The following PTPRJ variants were observed in gnomAD, a reference collection of about 807,000 sequenced individuals.
PTPRJ encodes the protein receptor-type tyrosine-protein phosphatase eta.
In PTPRJ, 129 loss-of-function variants were observed where a neutral mutation model predicts 141.3. That is an observed-to-expected ratio of 0.91 (90% CI 0.79 to 1.06). The LOEUF (loss-of-function observed/expected upper bound fraction) is 1.06, where lower values mean the gene tolerates loss of function less well. Ranked by LOEUF, PTPRJ falls within the 50% of genes least tolerant of loss-of-function variation. The pLI is 0.00. For missense variants in PTPRJ, 1,601 were observed against 1,679.7 expected, an observed-to-expected ratio of 0.95 and a Z score of 0.82; for synonymous variants, 610 against 640.5, an observed-to-expected ratio of 0.95 and a Z score of 0.72.
At chr11:48,157,681 A>T (rs1427199557) in intron 21 of PTPRJ, among the ~76,000 whole-genome samples, 3 of 152,170 alleles carry the variant, frequency 2.0e-5, no homozygotes, top group African/African-American at 7.2e-5. Context: ...GCAGATGTTT[A>T]TCCAGCCCCT....
At position 47,980,611 on chromosome 11, in the gene PTPRJ, G is replaced by C. The variant is rs1029004694; in HGVS notation, c.-302G>C. The C allele has an allele frequency of 3.1e-6, 3 of 983,482 alleles. No individual in the cohort carries two copies. The highest frequency in any genetic ancestry group is 6.2e-5 in the Admixed American group (1 of 16,064). The allele number at this position is 983,482 out of a possible 1,614,324, so 60.9% of individuals were successfully genotyped here. ...GGCAGCGGGAGCAGCCGCGGGAGCC[G>C]GGACCGGGTAGCCGCGCGCTGGGGG... On this transcript the variant is annotated 5_prime_UTR_variant, in exon 1 of 25. Transcript: ENST00000418331.
intron 1 of PTPRJ, among the ~76,000 whole-genome samples, chr11:48,026,996 CTTTTTTTTTTTTT>C (rs1206503872): frequency 0.013 from 1,434 of 113,236 alleles, 30 homozygotes; most frequent in African/African-American, 0.05. Flanking sequence ...TTGGAATACC[CTTTTTTTTTTTTT>C]TTTTTTTTTT....
chr11:48,027,776 G>A (rs1853860383), intron 1 of PTPRJ, among the ~76,000 whole-genome samples: 1 of 114,642 alleles, frequency 8.7e-6, no homozygotes, highest in Non-Finnish European at 1.7e-5. Flanking sequence ...GGGCAACAGA[G>A]TGAGACTCTG....
Position 48,136,189 on chromosome 11 carries a change from A to C in PTPRJ, c.1766A>C (p.Lys589Thr). The C allele has an allele frequency of 6.2e-7, 1 of 1,614,238 alleles. No homozygotes were observed. Among genetic ancestry groups the C allele is most frequent in the Non-Finnish European group, 8.5e-7 (1 of 1,180,054 alleles). The change falls in exon 9 of 25, where the codon AAA becomes ACA. Residue 589 changes from lysine (K) to threonine (T), a missense_variant. By Grantham distance (78) the Lys-to-Thr change is moderately conservative (BLOSUM62 -1). Coordinates refer to ENST00000418331, the MANE Select transcript of PTPRJ (RefSeq NM_002843.4). ...HGSNHTSTYDKAITLQGLIPG... is the reference protein window; with the variant it reads ...HGSNHTSTYDTAITLQGLIPG... ...TCTAACCACACAAGCACGTATGACA[A>C]AGCGATTACTCTCCAGGGCCTGATT... is the stretch of plus-strand genomic sequence containing the variant.
intron 1 of PTPRJ, among the ~76,000 whole-genome samples, chr11:47,983,481 A>G (rs1590380001): frequency 6.6e-6 from 1 of 152,362 alleles, no homozygotes; most frequent in East Asian, 1.9e-4. Context: ...TTGGACATTA[A>G]TAAGGGCGGG....
chr11:48,074,770 G>A (rs1196497564), intron 1 of PTPRJ, among the ~76,000 whole-genome samples: 1 of 152,150 alleles, frequency 6.6e-6, no homozygotes, highest in East Asian at 1.9e-4. Flanking sequence ...TGTCTAAAGT[G>A]CAGTGTGCCC....
intron 1 of PTPRJ, among the ~76,000 whole-genome samples, chr11:48,092,469 G>T (rs998055692): frequency 2.0e-5 from 3 of 150,984 alleles, no homozygotes; most frequent in African/African-American, 7.3e-5. Flanking sequence ...TTGCTCTGTT[G>T]CCCAGGCTGG....
At chr11:48,093,801 A>AT (rs201818951) in intron 1 of PTPRJ, among the ~76,000 whole-genome samples, 1,816 of 152,130 alleles carry the variant, frequency 0.012, 36 homozygotes, top group African/African-American at 0.041. Flanking sequence ...CCTAAAAAAA[A>AT]AAAAAAGAAA....
At chr11:48,054,963 T>G (rs1854715810) in intron 1 of PTPRJ, among the ~76,000 whole-genome samples, 1 of 152,030 alleles carries the variant, frequency 6.6e-6, no homozygotes, top group South Asian at 2.1e-4. Flanking sequence ...GGCAGGCAGA[T>G]TGCTTGAGTC....
rs1208861229 is a variant in PTPRJ, at chr11:48,105,924, C to A, written c.97-4134C>A. Among the ~76,000 whole-genome samples the A allele has an allele frequency of 1.3e-5, 2 of 152,168 alleles. 1 individual carries two copies. Among genetic ancestry groups the A allele is most frequent in the Non-Finnish European group, 2.9e-5 (2 of 68,018 alleles). ...TGGCCTCTCTCCTTGCCCTTCCTCGCTGCTGCTACCCCAGGATTCTTGCCC... is the reference window on the plus strand; with the variant it reads ...TGGCCTCTCTCCTTGCCCTTCCTCGATGCTGCTACCCCAGGATTCTTGCCC... On this transcript the variant is annotated intron_variant, in intron 1 of 24. Transcript: ENST00000418331.
chr11:48,073,277 A>G (rs1243964016), intron 1 of PTPRJ, among the ~76,000 whole-genome samples: 3 of 152,062 alleles, frequency 2.0e-5, no homozygotes, highest in South Asian at 2.1e-4. Context: ...GGCAGTCTCT[A>G]TTCTAAAATG....
At chr11:48,134,055 TTGA>T (rs1171810909) in intron 8 of PTPRJ, among the ~76,000 whole-genome samples, 3 of 152,218 alleles carry the variant, frequency 2.0e-5, no homozygotes. Flanking sequence ...ATTGTGAATA[TTGA>T]TGATACCGAA....
In PTPRJ at chr11:48,163,604, T is replaced by G; in HGVS notation, c.3705T>G (p.Ile1235Met). 2 of 1,613,690 alleles carry G rather than the reference T, an allele frequency of 1.2e-6. No individual in the cohort carries two copies. The highest frequency in any genetic ancestry group is 1.7e-6 in the Non-Finnish European group (2 of 1,179,542). The part of the protein sequence containing the change: ...YMKQSPPESP[I>M]LVHCSAGVGR... The stretch of plus-strand genomic sequence containing the variant: ...AGCAGAGTCCTCCCGAATCGCCGAT[T>G]CTGGTGCATTGCAGGTACGCAGATG... The change falls in exon 23 of 25, where the codon ATT (isoleucine) becomes ATG (methionine). Residue 1235 changes from isoleucine (I) to methionine (M), a missense_variant. Ile to Met is a conservative substitution (Grantham distance 10). Coordinates refer to ENST00000418331, the MANE Select transcript of PTPRJ (RefSeq NM_002843.4).
At chr11:48,083,399 A>G (rs992737568) in intron 1 of PTPRJ, among the ~76,000 whole-genome samples, 1 of 152,252 alleles carries the variant, frequency 6.6e-6, no homozygotes, top group African/African-American at 2.4e-5. Flanking sequence ...ATTGCACTCC[A>G]GCCTGGGCAA....
chr11:48,002,660 C>T (rs967681399), intron 1 of PTPRJ, among the ~76,000 whole-genome samples: 3 of 152,140 alleles, frequency 2.0e-5, no homozygotes, highest in Non-Finnish European at 4.4e-5. Flanking sequence ...TGCTTTTCTT[C>T]GTTGTGATTA....
intron 1 of PTPRJ, among the ~76,000 whole-genome samples, chr11:48,060,725 G>A (rs1854899038): frequency 6.6e-6 from 1 of 152,192 alleles, no homozygotes; most frequent in African/African-American, 2.4e-5. Context: ...CCCAGCTCCA[G>A]CTTCTAGCCT....
chr11:48,109,853 T>G (rs532836604), intron 1 of PTPRJ, among the ~76,000 whole-genome samples: 1 of 152,280 alleles, frequency 6.6e-6, no homozygotes, highest in Non-Finnish European at 1.5e-5. Flanking sequence ...CATAACCCAG[T>G]TAATCCTTTG....
At chr11:48,127,587 G>A (rs1856871125) in intron 6 of PTPRJ, among the ~76,000 whole-genome samples, 193 bp from the exon 7 acceptor site, 1 of 152,206 alleles carries the variant, frequency 6.6e-6, no homozygotes, top group Admixed American at 6.5e-5. Context: ...TGGCCAGGTT[G>A]TTTCTTCACC....
At chr11:48,136,916 G>T in intron 9 of PTPRJ, 87 bp from the exon 10 acceptor site, 2 of 1,341,978 alleles carry the variant, frequency 1.5e-6, no homozygotes, top group Non-Finnish European at 2.0e-6. Flanking sequence ...TCTAAAACGA[G>T]CCAGGCTATT....
Sources: allele counts gnomAD v4.1 joint callset (sites outside exome capture counted in the v4.1 genomes callset), GRCh38; gene constraint gnomAD v4.1.1; transcripts MANE v1.5; gene names NCBI Gene and HGNC (gene_info 2026-07-23, HGNC 2026-07-21).